Variants in SLC30A6 observed in about 807,000 individuals in gnomAD.
The protein encoded by SLC30A6 is solute carrier family 30 member 6.
Under a neutral mutation model 63.0 loss-of-function variants are expected in SLC30A6, and 55 were observed. The observed-to-expected ratio is 0.87, with a 90% CI of 0.70 to 1.09. The LOEUF (loss-of-function observed/expected upper bound fraction) is 1.09, where lower values mean the gene tolerates loss of function less well. Among genes scored for constraint, SLC30A6 ranks in the 50% least tolerant of loss-of-function variants. SLC30A6 has a pLI of 0.00. For missense variants in SLC30A6, 587 were observed against 549.2 expected, an observed-to-expected ratio of 1.07 and a Z score of -0.69; for synonymous variants, 224 against 186.1, an observed-to-expected ratio of 1.20 and a Z score of -1.66.
At chr2:32,201,854 G>T in intron 10 of SLC30A6, 1 of 1,442,322 alleles carries the variant, frequency 6.9e-7, no homozygotes, top group South Asian at 1.2e-5. Context: ...TCAGAAACAA[G>T]AGAAAATGGT....
In SLC30A6 at chr2:32,216,552, A is replaced by C. The variant is rs1015619228; in HGVS notation, c.886-3661A>C. On this transcript the variant is annotated intron_variant, in intron 13 of 13. Transcript: ENST00000282587. Reference sequence around the variant, plus strand: ...CTCTCTCAAAATAAATAAATAAATAAATAAATAAATAAATAAATAAATAAA... The same window carrying C: ...CTCTCTCAAAATAAATAAATAAATACATAAATAAATAAATAAATAAATAAA... 4.0e-5 allele frequency among the ~76,000 whole-genome samples: 6 copies of C among 148,598 alleles called. No individual in the cohort carries two copies. In the Admixed American group the frequency reaches 4.1e-4, roughly 10 times the overall value.
intron 13 of SLC30A6, among the ~76,000 whole-genome samples, chr2:32,216,719 T>C (rs1156971207): frequency 1.1e-4 from 16 of 152,082 alleles, no homozygotes; most frequent in Admixed American, 3.3e-4. Flanking sequence ...TCTTTTGAGA[T>C]GTATCTTCAT....
chr2:32,197,602 G>A, intron 9 of SLC30A6, 105 bp from the exon 10 acceptor site: 5 of 1,498,150 alleles, frequency 3.3e-6, no homozygotes, highest in Non-Finnish European at 4.5e-6. Context: ...CTTTCTTTAA[G>A]AAGTACACTA....
Position 32,172,463 on chromosome 2 carries a change from C to A in SLC30A6, c.90+1090C>A, listed in dbSNP as rs1052588214. ...TCCTGGGCTCAAGGGATCCTCCTTCCTCAGCCTCTTGAGTAGCTGGGATTA... is the reference window on the plus strand; with the variant it reads ...TCCTGGGCTCAAGGGATCCTCCTTCATCAGCCTCTTGAGTAGCTGGGATTA... On this transcript the variant is annotated intron_variant, in intron 2 of 13. Transcript: ENST00000282587. Among the ~76,000 whole-genome samples the A allele has an allele frequency of 2.6e-5, 4 of 152,102 alleles. No individual in the cohort carries two copies. The South Asian group carries it at 8.3e-4, about 32-fold the overall frequency.
intron 5 of SLC30A6, among the ~76,000 whole-genome samples, chr2:32,190,921 C>G (rs945510188): frequency 1.3e-5 from 2 of 152,312 alleles, no homozygotes; most frequent in Middle Eastern, 3.4e-3. Flanking sequence ...CCGCGCCTGG[C>G]TCTTTACTGC....
At chr2:32,204,766 T>TG in intron 11 of SLC30A6, 74 bp downstream of exon 11, 3 of 775,168 alleles carry the variant, frequency 3.9e-6, no homozygotes, top group South Asian at 2.9e-5. Flanking sequence ...TTGTATGTGT[T>TG]GTTCTACAAG....
In SLC30A6 at chr2:32,212,200, T is replaced by C. The variant is rs567394946; in HGVS notation, c.885+2639T>C. 3.3e-5 allele frequency among the ~76,000 whole-genome samples: 5 copies of C among 152,298 alleles called. No homozygotes were observed. In the East Asian group the frequency reaches 9.6e-4, roughly 29 times the overall value. ...TTTGTTCTGAGTAAGTCTTCATTTC[T>C]AAAGTGATCTTTTTTTCTTGTATTA... On this transcript the variant is annotated intron_variant, in intron 13 of 13. Coordinates refer to ENST00000282587, the MANE Select transcript of SLC30A6 (RefSeq NM_017964.5).
chr2:32,182,198 A>G (rs1201537768), intron 4 of SLC30A6, among the ~76,000 whole-genome samples: 2 of 151,980 alleles, frequency 1.3e-5, no homozygotes, highest in Admixed American at 1.3e-4. Context: ...TGACCTCCCA[A>G]AGTGCTAGGT....
At position 32,165,909 on chromosome 2, in the gene SLC30A6, T is replaced by G. The variant is rs751452685; in HGVS notation, c.3+6T>G. 6.2e-7 allele frequency: 1 copy of G among 1,614,072 alleles called. No homozygotes were observed. The highest frequency in any genetic ancestry group is 8.5e-7 in the Non-Finnish European group (1 of 1,179,970). On this transcript the variant is annotated splice_donor_region_variant and intron_variant, in intron 1 of 13. Coordinates refer to ENST00000282587, the MANE Select transcript of SLC30A6 (RefSeq NM_017964.5). ...CTGTGCAGCTCCTTATCATGGTGAG[T>G]TGGCTGTTGGGGTGAGGGTTTCGGC...
chr2:32,168,839 A>G (rs1158015038), intron 1 of SLC30A6, among the ~76,000 whole-genome samples: 1 of 152,218 alleles, frequency 6.6e-6, no homozygotes, highest in African/African-American at 2.4e-5. Flanking sequence ...AAACCTGGAA[A>G]TTCAGGTTGT....
chr2:32,173,304 G>T (rs930318945), intron 2 of SLC30A6, among the ~76,000 whole-genome samples: 8 of 151,704 alleles, frequency 5.3e-5, no homozygotes, highest in African/African-American at 1.7e-4. Context: ...AAAAATCTCT[G>T]TGTTGCCAAA....
At chr2:32,204,553 T>C in intron 10 of SLC30A6, 37 bp from the exon 11 acceptor site, 3 of 1,410,664 alleles carry the variant, frequency 2.1e-6, no homozygotes, top group Non-Finnish European at 3.0e-6. Context: ...CCCAGTGAGA[T>C]ATAAATTTAA....
intron 6 of SLC30A6, 150 bp downstream of exon 6, chr2:32,192,566 C>A: frequency 1.6e-6 from 1 of 640,604 alleles, no homozygotes. Flanking sequence ...ATGTTTCAGA[C>A]TTTTTCTTCT....
chr2:32,190,074 G>T (rs1046585390), intron 5 of SLC30A6, among the ~76,000 whole-genome samples: 4 of 151,902 alleles, frequency 2.6e-5, no homozygotes, highest in African/African-American at 9.7e-5. Context: ...CTGTTTTTCT[G>T]TATTAATCTG....
chr2:32,206,200 A>G (rs567530556), intron 11 of SLC30A6, among the ~76,000 whole-genome samples: 8 of 151,592 alleles, frequency 5.3e-5, no homozygotes, highest in South Asian at 2.1e-4. Context: ...TAATCCCAGC[A>G]CTTTGGGAGG....
Position 32,208,937 on chromosome 2 carries a change from T to C in SLC30A6, c.817-556T>C, listed in dbSNP as rs561960733. 1.2e-4 allele frequency among the ~76,000 whole-genome samples: 18 copies of C among 152,364 alleles called. No individual in the cohort carries two copies. The East Asian group carries it at 3.1e-3, about 26-fold the overall frequency. ...TTGTCAGTGTGACAGAGGCCACTTT[T>C]ACCAGTATAACTGGCTACTACTCTC... On this transcript the variant is annotated intron_variant, in intron 12 of 13. Transcript: ENST00000282587.
rs747494398 is a variant in SLC30A6 at position 32,209,476 on chromosome 2, C to T, written c.817-17C>T. 3.8e-6 allele frequency: 6 copies of T among 1,597,300 alleles called. No individual in the cohort carries two copies. The highest frequency in any genetic ancestry group is 5.1e-6 in the Non-Finnish European group (6 of 1,173,628). The stretch of plus-strand genomic sequence containing the variant: ...TAAGTACAGACAACTCTGATCACCT[C>T]TTTCTGTTTTTGGTAGGTATCTACC... On this transcript the variant is annotated splice_polypyrimidine_tract_variant and intron_variant, in intron 12 of 13. Transcript: ENST00000282587.
chr2:32,208,965 C>T (rs1468984102), intron 12 of SLC30A6, among the ~76,000 whole-genome samples: 1 of 152,204 alleles, frequency 6.6e-6, no homozygotes, highest in African/African-American at 2.4e-5. Flanking sequence ...CTACTCTCAA[C>T]TAGTGAAGCC....
At chr2:32,200,237 C>G (rs930679779) in intron 10 of SLC30A6, among the ~76,000 whole-genome samples, 1 of 152,044 alleles carries the variant, frequency 6.6e-6, no homozygotes, top group Non-Finnish European at 1.5e-5. Flanking sequence ...CTCTGGTCTT[C>G]TAGTTTTCAT....
Sources: allele counts gnomAD v4.1 joint callset (sites outside exome capture counted in the v4.1 genomes callset), GRCh38; gene constraint gnomAD v4.1.1; transcripts MANE v1.5; gene names NCBI Gene and HGNC (gene_info 2026-07-23, HGNC 2026-07-21).